CUX1: variants seen among roughly 807,000 people sequenced by gnomAD.
CUX1 encodes cut like homeobox 1.
CUX1 carries 31 observed loss-of-function variants against 158.8 expected under a neutral mutation model. The ratio of observed to expected loss-of-function variants is 0.20; its 90% confidence interval spans 0.15 to 0.26. The LOEUF is 0.26. Among genes scored for constraint, CUX1 ranks in the 10% least tolerant of loss-of-function variants. The pLI, the probability that CUX1 is intolerant of heterozygous loss-of-function variation, is 1.00. For synonymous variants in CUX1, 879 were observed against 862.1 expected (o/e 1.02, Z -0.34); for missense variants, 1,589 against 2,014.6 (o/e 0.79, Z 4.04).
chr7:101,945,117 C>T (rs551079243), intron 2 of CUX1, among the ~76,000 whole-genome samples: 9 of 152,294 alleles, frequency 5.9e-5, no homozygotes, highest in East Asian at 1.9e-4. Context: ...ACCAAGCCTG[C>T]GGGGCAGGTG....
At chr7:102,184,074 C>A (rs1456300876) in intron 11 of CUX1, among the ~76,000 whole-genome samples, 1 of 151,976 alleles carries the variant, frequency 6.6e-6, no homozygotes, top group Non-Finnish European at 1.5e-5. Flanking sequence ...ATTTTTATAT[C>A]TTTTGTAGAG....
intron 9 of CUX1, among the ~76,000 whole-genome samples, chr7:102,160,456 A>C (rs1321080759): frequency 6.6e-6 from 1 of 152,062 alleles, no homozygotes; most frequent in Non-Finnish European, 1.5e-5. Context: ...GGCAAAGCGA[A>C]TGCACTTCTC....
chr7:102,242,205 CTTTTTTTTTT>C (rs67514665), intron 23 of CUX1, among the ~76,000 whole-genome samples: 1 of 93,072 alleles, frequency 1.1e-5, no homozygotes, highest in Non-Finnish European at 2.1e-5. Flanking sequence ...TTCTTTCTTT[CTTTTTTTTTT>C]TTTTTTTTTT....
At position 102,025,236 on chromosome 7, in the gene CUX1, T is replaced by C. The variant is rs138933862; in HGVS notation, c.142-2862T>C. ...CCATCTGCAAAAGCCCCTTTTACCA[T>C]TGCAATCTAACACATTCACAGGCGC... On this transcript the variant is annotated intron_variant, in intron 2 of 23. Coordinates refer to ENST00000292535, the MANE Select transcript of CUX1 (RefSeq NM_181552.4). Among the ~76,000 whole-genome samples the C allele has an allele frequency of 6.1e-3, 926 of 152,288 alleles. 15 individuals are homozygous for C. The highest frequency in any genetic ancestry group is 0.022 in the African/African-American group (899 of 41,564).
rs782792685 is a variant in CUX1 at position 102,196,725 on chromosome 7, G to C, written c.1314G>C (p.Pro438=). 3.7e-5 allele frequency: 59 copies of C among 1,612,160 alleles called. No individual in the cohort carries two copies. The highest frequency in any genetic ancestry group is 6.7e-5 in the African/African-American group (5 of 74,840). ...CTCCTTCTCAGTTGCCCCGCAACCC[G>C]GGGGAGCAGGCTTCCAATACTAATG... is the stretch of plus-strand genomic sequence containing the variant. ...APPPSQLPRN[P]GEQASNTNGT... The change falls in exon 15 of 24, where the codon CCG becomes CCC. Residue 438 remains proline, a synonymous_variant. Transcript: ENST00000292535.
intron 1 of CUX1, among the ~76,000 whole-genome samples, chr7:101,895,627 C>A (rs1801382062): frequency 6.6e-6 from 1 of 152,190 alleles, no homozygotes; most frequent in Non-Finnish European, 1.5e-5. Flanking sequence ...AAGGAGCCTG[C>A]ATTCTTAAAA....
intron 2 of CUX1, among the ~76,000 whole-genome samples, chr7:101,943,078 C>CTTTTTT (rs58332486): frequency 1.2e-5 from 1 of 80,330 alleles, no homozygotes; most frequent in Non-Finnish European, 2.3e-5. Context: ...CTGGTCAGTG[C>CTTTTTT]TTTTTTTTTT....
At chr7:102,229,604 G>A (rs1554529947) in intron 21 of CUX1, among the ~76,000 whole-genome samples, 1 of 121,286 alleles carries the variant, frequency 8.2e-6, no homozygotes, top group Non-Finnish European at 1.7e-5. Flanking sequence ...GAGCCACCGT[G>A]TCTGGCCTTT....
At chr7:102,125,888 A>T (rs1464665725) in intron 8 of CUX1, 2 of 151,616 alleles carry the variant, frequency 1.3e-5, no homozygotes, top group African/African-American at 4.9e-5. Flanking sequence ...GAGTGCGGTG[A>T]TATGATCTTG....
In CUX1 at chr7:101,964,356, A is replaced by T. The variant is rs563109278; in HGVS notation, c.141+48131A>T. On this transcript the variant is annotated intron_variant, in intron 2 of 23. Coordinates refer to ENST00000292535, the MANE Select transcript of CUX1 (RefSeq NM_181552.4). ...CAACAGAGCGAGACTCCATCTCAAA[A>T]AAAAGGTGAAAGAAATGACTGAGCA... is the stretch of plus-strand genomic sequence containing the variant. Among the ~76,000 whole-genome samples the T allele has an allele frequency of 1.9e-3, 282 of 152,216 alleles. 2 individuals carry two copies. Among genetic ancestry groups the T allele is most frequent in the Non-Finnish European group, 3.3e-3 (227 of 68,016 alleles).
rs1300892864 is a variant in CUX1 at position 102,201,340 on chromosome 7, A to G, written c.2063-20A>G. On this transcript the variant is annotated intron_variant, in intron 17 of 23. Transcript: ENST00000292535. This position sits in a 1 kb window ranked among gnomAD's most constrained non-coding sequence, Gnocchi z 5.0. The stretch of plus-strand genomic sequence containing the variant: ...AAGGGGGCCGCCCTGCCACACTCTC[A>G]CCCCTGTTTCTCCATGCAGCAGAGC... The G allele has an allele frequency of 6.2e-7, 1 of 1,606,352 alleles. No individual in the cohort carries two copies. Among genetic ancestry groups the G allele is most frequent in the African/African-American group, 1.3e-5 (1 of 74,690 alleles).
chr7:102,009,076 C>T (rs1361784018), intron 2 of CUX1, among the ~76,000 whole-genome samples: 2 of 152,150 alleles, frequency 1.3e-5, no homozygotes, highest in Admixed American at 1.3e-4. Flanking sequence ...CCAGCCACAG[C>T]GGTTCCAGAT....
intron 17 of CUX1, among the ~76,000 whole-genome samples, chr7:102,276,680 G>T (rs372292956): frequency 1.3e-5 from 2 of 152,168 alleles, no homozygotes; most frequent in Non-Finnish European, 2.9e-5. Flanking sequence ...TCCATTTCAC[G>T]TTGCCTTTAG....
At chr7:102,120,649 A>G (rs1370413968) in intron 8 of CUX1, among the ~76,000 whole-genome samples, 3 of 152,252 alleles carry the variant, frequency 2.0e-5, no homozygotes, top group Admixed American at 6.5e-5. Context: ...ATCACAAAAT[A>G]CAACGTGCTC....
At chr7:101,836,354 C>T (rs922302924) in intron 1 of CUX1, among the ~76,000 whole-genome samples, 6 of 152,098 alleles carry the variant, frequency 3.9e-5, no homozygotes, top group African/African-American at 1.4e-4. Context: ...GCAGGTGGAT[C>T]GCTTGAGCCC....
intron 1 of CUX1, among the ~76,000 whole-genome samples, chr7:101,830,766 C>G (rs1037881403): frequency 1.3e-5 from 2 of 152,126 alleles, no homozygotes; most frequent in Non-Finnish European, 2.9e-5. Flanking sequence ...GCCCAGATAA[C>G]TCTTGCCTGC....
intron 17 of CUX1, 26 bp downstream of exon 17, chr7:102,200,198 T>C (rs1554519255): frequency 6.4e-7 from 1 of 1,574,130 alleles, no homozygotes. Flanking sequence ...CTTCATCCAC[T>C]GTCTTCAAAC....
intron 2 of CUX1, among the ~76,000 whole-genome samples, chr7:101,924,851 C>A (rs538816014): frequency 6.6e-6 from 1 of 151,648 alleles, no homozygotes; most frequent in East Asian, 2.0e-4. Flanking sequence ...TTGGGATTAC[C>A]GGCGTGAGCC....
In CUX1 at chr7:102,172,279, A is replaced by T. The variant is rs1307032039; in HGVS notation, c.828+1729A>T. ...GCTAATTTTTGTATTATTTGTAGAG[A>T]TGGGGTTTTGCCACATTGCCCAGGC... On this transcript the variant is annotated intron_variant, in intron 10 of 23. Transcript: ENST00000292535. Among the ~76,000 whole-genome samples the T allele has an allele frequency of 3.3e-5, 5 of 152,086 alleles. No homozygotes were observed. The East Asian group carries it at 9.7e-4, about 29-fold the overall frequency.
Sources: allele counts gnomAD v4.1 joint callset (sites outside exome capture counted in the v4.1 genomes callset), GRCh38; gene constraint gnomAD v4.1.1; non-coding constraint Gnocchi (gnomAD v3.1); transcripts MANE v1.5; gene names NCBI Gene and HGNC (gene_info 2026-07-23, HGNC 2026-07-21).